TENM2: variants seen among roughly 807,000 people sequenced by gnomAD.
TENM2 encodes teneurin-2.
Under a neutral mutation model 245.2 loss-of-function variants are expected in TENM2, and 52 were observed. That is an observed-to-expected ratio of 0.21 (90% CI 0.17 to 0.27). The LOEUF (loss-of-function observed/expected upper bound fraction) is 0.27. Ranked by LOEUF, TENM2 falls within the 10% of genes least tolerant of loss-of-function variation. The pLI is 1.00. For synonymous variants in TENM2, 1,363 were observed against 1,438.9 expected, an observed-to-expected ratio of 0.95 and a Z score of 1.19; for missense variants, 3,046 against 3,666.8, an observed-to-expected ratio of 0.83 and a Z score of 4.37.
the TENM2 span, among the ~76,000 whole-genome samples, chr5:167,005,033 T>C: frequency 6.6e-6 from 1 of 152,102 alleles, no homozygotes; most frequent in Admixed American, 6.6e-5. Flanking sequence ...TGCAAGTCAT[T>C]AAGAAAAATT....
chr5:167,133,118 C>T, the TENM2 span, among the ~76,000 whole-genome samples: 2 of 151,720 alleles, frequency 1.3e-5, no homozygotes, highest in South Asian at 2.1e-4. Context: ...GACCAAAGAG[C>T]AGTAAAGGGG....
intron 2 of TENM2, among the ~76,000 whole-genome samples, chr5:167,431,183 C>T (rs999458140): frequency 4.6e-5 from 7 of 152,058 alleles, no homozygotes; most frequent in African/African-American, 1.7e-4. Flanking sequence ...GATTTTAGGT[C>T]ATTAAGACAA....
chr5:167,482,590 A>G (rs1176391417), intron 2 of TENM2, among the ~76,000 whole-genome samples: 1 of 152,178 alleles, frequency 6.6e-6, no homozygotes, highest in African/African-American at 2.4e-5. Flanking sequence ...TTATCAACAC[A>G]TCCTTTTGGG....
chr5:167,486,068 GA>G (rs796740024), intron 2 of TENM2, among the ~76,000 whole-genome samples: 27 of 147,974 alleles, frequency 1.8e-4, no homozygotes, highest in African/African-American at 5.9e-4. Context: ...AAGTTTCTGA[GA>G]AAAAAAAAAT....
chr5:167,566,732 C>T (rs1773933392), intron 2 of TENM2, among the ~76,000 whole-genome samples: 3 of 152,182 alleles, frequency 2.0e-5, no homozygotes, highest in Non-Finnish European at 4.4e-5. Flanking sequence ...CTGTATTCAA[C>T]TCAATGGAGA....
At chr5:167,055,246 C>A in the TENM2 span, among the ~76,000 whole-genome samples, 1 of 151,986 alleles carries the variant, frequency 6.6e-6, no homozygotes, top group South Asian at 2.1e-4. Context: ...TTATTTTTTG[C>A]ATGTGGATGT....
intron 1 of TENM2, among the ~76,000 whole-genome samples, chr5:167,292,347 G>T (rs1581677189): frequency 6.6e-6 from 1 of 152,126 alleles, no homozygotes; most frequent in African/African-American, 2.4e-5. Flanking sequence ...TTGGGGAATG[G>T]TATCACAGCC....
intron 2 of TENM2, among the ~76,000 whole-genome samples, chr5:167,641,036 C>T (rs1476500975): frequency 3.3e-5 from 5 of 150,778 alleles, no homozygotes; most frequent in African/African-American, 9.7e-5. Flanking sequence ...CCCTAGGAGT[C>T]AGCTAAACAA....
intron 6 of TENM2, among the ~76,000 whole-genome samples, chr5:168,054,299 A>G (rs72824980): frequency 6.6e-6 from 1 of 152,286 alleles, no homozygotes; most frequent in Non-Finnish European, 1.5e-5. Flanking sequence ...GTGAAGGCTG[A>G]TGGGTTGCTG....
At chr5:167,449,519 GATAGATAGA>G (rs1765436859) in intron 2 of TENM2, among the ~76,000 whole-genome samples, 1 of 58,052 alleles carries the variant, frequency 1.7e-5, no homozygotes, top group South Asian at 6.7e-4. Flanking sequence ...CAGATAGATA[GATAGATAGA>G]TAGATAGATA....
At chr5:167,379,235 C>T (rs994562503) in intron 2 of TENM2, among the ~76,000 whole-genome samples, 3 of 152,094 alleles carry the variant, frequency 2.0e-5, no homozygotes, top group Non-Finnish European at 4.4e-5. Context: ...TTATGTAAAG[C>T]GTATTTGTGA....
At chr5:168,100,875 TAACA>T (rs1793754052) in intron 9 of TENM2, among the ~76,000 whole-genome samples, 1 of 150,796 alleles carries the variant, frequency 6.6e-6, no homozygotes, top group Non-Finnish European at 1.5e-5. Flanking sequence ...TATACCTATG[TAACA>T]AACCTGCACA....
intron 28 of TENM2, among the ~76,000 whole-genome samples, chr5:168,261,829 C>A (rs1048951034): frequency 3.3e-5 from 5 of 152,170 alleles, no homozygotes; most frequent in Admixed American, 2.6e-4. Context: ...ACAGACCACA[C>A]CATCAGAGCA....
intron 3 of TENM2, among the ~76,000 whole-genome samples, chr5:167,880,159 A>G (rs191412535): frequency 3.7e-4 from 57 of 152,056 alleles, no homozygotes; most frequent in African/African-American, 1.4e-3. Context: ...CAGCCTCCCT[A>G]GTAGCTGGGA....
intron 16 of TENM2, 130 bp downstream of exon 18, chr5:168,199,244 T>G (rs1761727104): frequency 2.0e-6 from 2 of 977,802 alleles, no homozygotes; most frequent in African/African-American, 1.7e-5. Context: ...CATAATAAAA[T>G]TTATAGCCAC....
intron 2 of TENM2, among the ~76,000 whole-genome samples, chr5:167,812,685 A>C (rs1389348660): frequency 3.3e-5 from 5 of 152,036 alleles, no homozygotes; most frequent in Non-Finnish European, 7.4e-5. Context: ...GCAGACAGTA[A>C]CTCCTTCTTC....
At chr5:168,136,167 G>A (rs759516109) in intron 12 of TENM2, among the ~76,000 whole-genome samples, 2 of 152,248 alleles carry the variant, frequency 1.3e-5, no homozygotes, top group Admixed American at 1.3e-4. Context: ...GAACGGACAC[G>A]TACTCCAGCC....
At chr5:167,652,526 C>A (rs1754543771) in intron 2 of TENM2, among the ~76,000 whole-genome samples, 1 of 152,138 alleles carries the variant, frequency 6.6e-6, no homozygotes, top group Non-Finnish European at 1.5e-5. Context: ...CCCCTTGAAT[C>A]ATCCCCCTTG....
chr5:168,219,850 G>A (rs77711794), intron 23 of TENM2, among the ~76,000 whole-genome samples: 42 of 72,932 alleles, frequency 5.8e-4, no homozygotes, highest in African/African-American at 7.9e-4. Flanking sequence ...AAAAAAAAAA[G>A]CGGGGGACAA....
Sources: gnomAD v4.1 joint callset for allele counts (sites outside exome capture counted in the v4.1 genomes callset) on GRCh38, gnomAD v4.1.1 for gene constraint, MANE v1.5 for transcripts, NCBI Gene and HGNC (gene_info 2026-07-23, HGNC 2026-07-21) for gene names.